The following TASP1 variants were observed in gnomAD, a reference collection of about 807,000 sequenced individuals.
TASP1 encodes the protein taspase 1.
A neutral mutation model predicts 56.6 loss-of-function variants in TASP1; 16 were observed. The observed-to-expected ratio is 0.28, with a 90% CI of 0.19 to 0.43. The LOEUF (loss-of-function observed/expected upper bound fraction) is 0.43, where lower values mean the gene tolerates loss of function less well. TASP1 is among the 20% of genes least tolerant of loss of function. The probability of loss-of-function intolerance (pLI) is 1.00; values close to 1 mark genes in which losing one functional copy is unlikely to be tolerated. For missense variants in TASP1, 393 were observed against 511.6 expected (o/e 0.77, Z 2.24); for synonymous variants, 179 against 184.2 (o/e 0.97, Z 0.23).
chr20:13,243,296 G>A, the TASP1 span, among the ~76,000 whole-genome samples: 1 of 152,122 alleles, frequency 6.6e-6, no homozygotes, highest in African/African-American at 2.4e-5. Flanking sequence ...CCAGGATGAT[G>A]GAGGCCCTGA....
At chr20:13,245,056 T>C in the TASP1 span, among the ~76,000 whole-genome samples, 1 of 152,214 alleles carries the variant, frequency 6.6e-6, no homozygotes, top group Non-Finnish European at 1.5e-5. Flanking sequence ...GTCTGGGATT[T>C]TAATACCAAA....
chr20:13,509,206 C>T (rs2044240177), intron 10 of TASP1, among the ~76,000 whole-genome samples: 1 of 148,804 alleles, frequency 6.7e-6, no homozygotes, highest in Admixed American at 6.7e-5. Context: ...TTTGTGACAA[C>T]ATGGATGAAC....
intron 8 of TASP1, among the ~76,000 whole-genome samples, chr20:13,547,527 C>A (rs975437018): frequency 2.0e-5 from 3 of 152,118 alleles, no homozygotes; most frequent in African/African-American, 7.2e-5. Context: ...TAGCTTGTAG[C>A]TAGGTTTCAA....
chr20:13,358,181 T>C, the TASP1 span, among the ~76,000 whole-genome samples: 3 of 152,184 alleles, frequency 2.0e-5, no homozygotes, highest in Non-Finnish European at 4.4e-5. Context: ...AATTTTCCTT[T>C]ACCTACCCAA....
At chr20:13,207,827 A>T in the TASP1 span, among the ~76,000 whole-genome samples, 3 of 152,170 alleles carry the variant, frequency 2.0e-5, no homozygotes, top group African/African-American at 7.2e-5. Flanking sequence ...CCCATATCTC[A>T]GTCACGTTGA....
rs117720804 is a variant in TASP1, at chr20:13,480,494, T to C, written c.985+2733A>G. Among the ~76,000 whole-genome samples, 182 of 152,344 alleles carry C rather than the reference T, an allele frequency of 1.2e-3. 2 individuals carry two copies. Among genetic ancestry groups the C allele is most frequent in the Non-Finnish European group, 2.3e-3 (157 of 68,028 alleles). The stretch of plus-strand genomic sequence containing the variant: ...AGGGTCCATTAGGTGAGCTCAGACA[T>C]TTCTTGCTCCTTTCCACGAGTCTGG... On this transcript the variant is annotated intron_variant, in intron 11 of 13. Coordinates refer to ENST00000337743, the MANE Select transcript of TASP1 (RefSeq NM_017714.3).
chr20:13,276,643 C>T, the TASP1 span, among the ~76,000 whole-genome samples: 38 of 151,474 alleles, frequency 2.5e-4, 1 homozygote, highest in African/African-American at 4.9e-4. Flanking sequence ...TGAGAAAGGA[C>T]GGTAAGATCT....
At chr20:13,234,870 C>A in the TASP1 span, among the ~76,000 whole-genome samples, 4 of 152,098 alleles carry the variant, frequency 2.6e-5, no homozygotes, top group African/African-American at 9.7e-5. Context: ...TTATCAGATG[C>A]AAATATTTTT....
rs1195425844 is a variant in TASP1, at chr20:13,389,596, T to G, written c.*764A>C. The G allele has an allele frequency of 1.3e-5, 2 of 152,672 alleles. No homozygotes were observed. Among genetic ancestry groups the G allele is most frequent in the Non-Finnish European group, 1.5e-5 (1 of 68,036 alleles). 9.5% of individuals were successfully genotyped at this position (152,672 alleles called of 1,614,324 possible). On this transcript the variant is annotated 3_prime_UTR_variant, in exon 14 of 14. Coordinates refer to ENST00000337743, the MANE Select transcript of TASP1 (RefSeq NM_017714.3). ...TTTCCATTATACACAAATTAAGGAC[T>G]GTGCATTACTGTATGTTCTCTTTAC... is the stretch of plus-strand genomic sequence containing the variant.
At chr20:13,190,420 T>A in the TASP1 span, among the ~76,000 whole-genome samples, 1 of 151,982 alleles carries the variant, frequency 6.6e-6, no homozygotes, top group East Asian at 1.9e-4. Flanking sequence ...AACCCATAAA[T>A]AAAACCATGT....
At chr20:13,143,265 A>G in the TASP1 span, among the ~76,000 whole-genome samples, 1 of 152,184 alleles carries the variant, frequency 6.6e-6, no homozygotes, top group Non-Finnish European at 1.5e-5. Flanking sequence ...AGCAAATCCA[A>G]GTCAGTGAGT....
At chr20:13,398,633 G>T (rs551416027) in intron 13 of TASP1, among the ~76,000 whole-genome samples, 1 of 152,120 alleles carries the variant, frequency 6.6e-6, no homozygotes, top group Admixed American at 6.5e-5. Context: ...ACTCCAAAAC[G>T]TAACCTCACT....
At chr20:13,452,319 G>A (rs578225513) in intron 11 of TASP1, among the ~76,000 whole-genome samples, 4 of 151,204 alleles carry the variant, frequency 2.6e-5, no homozygotes, top group African/African-American at 9.7e-5. Context: ...ATAAAATGAG[G>A]TATGCCTCTA....
rs765479594 is a variant in TASP1 at position 13,534,037 on chromosome 20, C to T, written c.780G>A (p.Pro260=). 9 of 1,613,032 alleles carry T rather than the reference C, an allele frequency of 5.6e-6. No homozygotes were observed. The highest frequency in any genetic ancestry group is 1.7e-5 in the Admixed American group (1 of 59,864). Residue 260 remains proline (P), a synonymous_variant, in exon 9 of 14, where the codon CCG becomes CCA. Transcript: ENST00000337743. ...AATTACTTACCTGCCCAACTCTCCC[C>T]GGATGTTTCAAGGCCAAGCCTCCAC... ...VSSGGLALKH[P]GRVGQAALYG...
chr20:13,132,466 G>A, the TASP1 span, among the ~76,000 whole-genome samples: 2 of 151,780 alleles, frequency 1.3e-5, no homozygotes, highest in Admixed American at 6.6e-5. Flanking sequence ...CGTGAGGACC[G>A]CACCCAGCCG....
At chr20:13,318,502 T>C in the TASP1 span, among the ~76,000 whole-genome samples, 6 of 152,098 alleles carry the variant, frequency 3.9e-5, no homozygotes, top group Non-Finnish European at 7.4e-5. Flanking sequence ...ACTTGAAAAA[T>C]TGTGTCCACA....
At chr20:13,517,555 T>C (rs1208737037) in intron 10 of TASP1, among the ~76,000 whole-genome samples, 2 of 152,016 alleles carry the variant, frequency 1.3e-5, no homozygotes, top group Non-Finnish European at 2.9e-5. Flanking sequence ...TGGCAAAAAT[T>C]ATCAGTTTCA....
the TASP1 span, among the ~76,000 whole-genome samples, chr20:13,281,523 GGGAAAACTAAAGCCT>G: frequency 1.3e-5 from 2 of 152,176 alleles, no homozygotes; most frequent in African/African-American, 4.8e-5. Flanking sequence ...CTTTACAGAT[GGGAAAACTAAAGCCT>G]GGAAAACTTA....
intron 12 of TASP1, among the ~76,000 whole-genome samples, chr20:13,426,112 T>C (rs57873080): frequency 0.092 from 14,020 of 152,194 alleles, 1,228 homozygotes; most frequent in African/African-American, 0.23. Flanking sequence ...GTAACAAAAG[T>C]CCTGGAGGAC....
Sources: allele counts gnomAD v4.1 joint callset (sites outside exome capture counted in the v4.1 genomes callset), GRCh38; gene constraint gnomAD v4.1.1; transcripts MANE v1.5; gene names NCBI Gene and HGNC (gene_info 2026-07-23, HGNC 2026-07-21).